TTN: variants seen among roughly 807,000 people sequenced by gnomAD.
TTN encodes connectin.
A neutral mutation model predicts 3,223.0 loss-of-function variants in TTN; 1,525 were observed. The observed-to-expected ratio is 0.47, with a 90% CI of 0.45 to 0.49. The LOEUF is 0.49. Among genes scored for constraint, TTN ranks in the 20% least tolerant of loss-of-function variants. The pLI is 0.00. For missense variants in TTN, 40,786 were observed against 43,424.0 expected, an observed-to-expected ratio of 0.94 and a Z score of 5.40; for synonymous variants, 14,094 against 15,161.0, an observed-to-expected ratio of 0.93 and a Z score of 5.17.
At position 178,731,356 on chromosome 2, in the gene TTN, C is replaced by A. The variant is rs773397477; in HGVS notation, c.17410G>T (p.Ala5804Ser). 6.2e-7 allele frequency: 1 copy of A among 1,613,760 alleles called. No individual in the cohort carries two copies. The highest frequency in any genetic ancestry group is 8.5e-7 in the Non-Finnish European group (1 of 1,179,754). The stretch of plus-strand genomic sequence containing the variant: ...CTTTGTATTCCTGCATCATTTTTGG[C>A]CTGACAGACATATTTCCCATCATGC... ...VKHDGKYVCQ[A>S]KNDAGIQRCS... The change falls in exon 59 of 363, where the codon GCC becomes TCC. Residue 5804 changes from alanine to serine, a missense_variant. Ala to Ser is a moderately conservative substitution (Grantham distance 99). Transcript: ENST00000589042.
intron 81 of TTN, 63 bp downstream of exon 81, chr2:178,719,920 T>C (rs1362864011): frequency 5.3e-5 from 81 of 1,542,572 alleles, no homozygotes; most frequent in Non-Finnish European, 6.9e-5. Context: ...AGAGGAATAT[T>C]TGAGGAAAAT....
Position 178,600,983 on chromosome 2 carries a change from C to T in TTN, c.55921G>A (p.Glu18641Lys). The T allele has an allele frequency of 6.2e-7, 1 of 1,613,052 alleles. No homozygotes were observed. The highest frequency in any genetic ancestry group is 1.1e-5 in the South Asian group (1 of 91,042). The change falls in exon 288 of 363, where the codon GAA becomes AAA. Residue 18641 changes from glutamate to lysine, a missense_variant. Coordinates refer to ENST00000589042, the MANE Select transcript of TTN (RefSeq NM_001267550.2). ...AGGTCTTCAACAGTAAATTGCAGTT[C>T]TTCCACATCACGCTTATTGCACTGC... ...WRQCNKRDVE[E>K]LQFTVEDLVE...
rs2056642542 is a variant in TTN at position 178,613,084 on chromosome 2, T to G, written c.49649-12A>C. On this transcript the variant is annotated splice_polypyrimidine_tract_variant and intron_variant, in intron 264 of 362. Coordinates refer to ENST00000589042, the MANE Select transcript of TTN (RefSeq NM_001267550.2). ...GGGCCATGGAGGATCTGCAAGCCAA[T>G]GAAATCATTGTTTAGGTTTGTCAAA... The G allele has an allele frequency of 6.2e-7, 1 of 1,612,198 alleles. No individual in the cohort carries two copies.
intron 80 of TTN, 47 bp from the exon 81 acceptor site, chr2:178,720,311 G>T (rs1242397840): frequency 6.3e-7 from 1 of 1,593,858 alleles, no homozygotes; most frequent in African/African-American, 1.3e-5. Flanking sequence ...GAGAATCATG[G>T]CCACACAAGT....
intron 24 of TTN, 109 bp from the exon 25 acceptor site, chr2:178,778,084 G>T: frequency 2.1e-6 from 3 of 1,418,490 alleles, no homozygotes; most frequent in Non-Finnish European, 2.9e-6. Context: ...TTTACTTCTT[G>T]CACGTATTAG....
In TTN at chr2:178,722,010, A is replaced by G. The variant is rs371736246; in HGVS notation, c.22653T>C (p.Asp7551=). The G allele has an allele frequency of 5.7e-5, 92 of 1,613,420 alleles. 1 individual carries two copies. The African/African-American group carries it at 6.7e-4, about 12-fold the overall frequency. Residue 7551 remains aspartate (D), a synonymous_variant, in exon 78 of 363, where the codon GAT becomes GAC. Coordinates refer to ENST00000589042, the MANE Select transcript of TTN (RefSeq NM_001267550.2). ...TTCCTCCAGGACGGATCTCCTTGTTATCTTTTGACCAAGTGATTCGCATCG... is the reference window on the plus strand; with the variant it reads ...TTCCTCCAGGACGGATCTCCTTGTTGTCTTTTGACCAAGTGATTCGCATCG... ...AQPMRITWSK[D]NKEIRPGGNY...
rs765657071 is a variant in TTN at position 178,731,790 on chromosome 2, C to T, written c.17085G>A (p.Gln5695=). 1.9e-6 allele frequency: 3 copies of T among 1,613,844 alleles called. No homozygotes were observed. In the South Asian group the frequency reaches 3.3e-5, roughly 18 times the overall value. ...CATCTGCAGCTACAAACTTGAGGAT[C>T]TGCAGGCTAACCAGATGATCCTGAA... The part of the protein sequence containing the change: ...TFIQDHLVSL[Q]ILKFVAADAG... Residue 5695 remains glutamine, a synonymous_variant, in exon 58 of 363, where the codon CAG becomes CAA. Transcript: ENST00000589042.
chr2:178,583,094 C>T lies in TTN; in HGVS notation c.65709G>A (p.Leu21903=), dbSNP rs1026264406. 1 of 1,611,138 alleles carries T rather than the reference C, an allele frequency of 6.2e-7. No individual in the cohort carries two copies. Among genetic ancestry groups the T allele is most frequent in the African/African-American group, 1.3e-5 (1 of 74,836 alleles). Residue 21903 remains leucine (L), a synonymous_variant, in exon 313 of 363, where the codon CTG becomes CTA. Coordinates refer to ENST00000589042, the MANE Select transcript of TTN (RefSeq NM_001267550.2). ...TCTTTATGCCTTCTGCTGGTTTTAG[C>T]AGTGTGCCATCTTTTTTCCAAGAAA... is the stretch of plus-strand genomic sequence containing the variant. ...PTVSWKKDGT[L]LKPAEGIKMA...
chr2:178,748,584 G>A, intron 47 of TTN: 1 of 1,612,934 alleles, frequency 6.2e-7, no homozygotes, highest in African/African-American at 1.3e-5. Context: ...GCAGGATGTT[G>A]GATTTTAAAA....
At position 178,561,075 on chromosome 2, in the gene TTN, C is replaced by T; in HGVS notation, c.85057G>A (p.Glu28353Lys). Residue 28353 changes from glutamate (E) to lysine (K), a missense_variant, in exon 326 of 363, where the codon GAG (glutamate) becomes AAG (lysine). By Grantham distance (56) the Glu-to-Lys change is moderately conservative. Transcript: ENST00000589042. ...ACATCCATCATAACTCTTGGAGGCT[C>T]AACATCATCTTTAACTATAATAGGC... ...TGPIIVKDDV[E>K]PPRVMMDVKF... 1 of 1,613,842 alleles carries T rather than the reference C, an allele frequency of 6.2e-7. No individual in the cohort carries two copies.
intron 90 of TTN, 74 bp from the exon 91 acceptor site, chr2:178,714,647 C>T (rs769079566): frequency 9.0e-6 from 13 of 1,447,394 alleles, no homozygotes; most frequent in Middle Eastern, 1.9e-4. Flanking sequence ...TCGTGAATGC[C>T]GGGAATCAAA....
rs796304694 is a variant in TTN at position 178,595,624 on chromosome 2, T to G, written c.57730A>C (p.Thr19244Pro). Residue 19244 changes from threonine (T) to proline (P), a missense_variant, in exon 295 of 363, where the codon ACT becomes CCT. Physicochemically the swap from Thr to Pro is conservative, Grantham distance 38. Coordinates refer to ENST00000589042, the MANE Select transcript of TTN (RefSeq NM_001267550.2). Reference protein sequence around the residue: ...VTYTVTRQNATVQGLIQGKAY... With the variant: ...VTYTVTRQNAPVQGLIQGKAY... ...TTTCCTTGAATGAGACCCTGGACAG[T>G]AGCATTTTGTCGGGTAACTGTATAT... is the stretch of plus-strand genomic sequence containing the variant. 2.5e-6 allele frequency: 4 copies of G among 1,602,210 alleles called. No homozygotes were observed. Among genetic ancestry groups the G allele is most frequent in the Non-Finnish European group, 3.4e-6 (4 of 1,174,002 alleles).
At chr2:178,638,230 A>C (rs2060745517) in intron 223 of TTN, among the ~76,000 whole-genome samples, 1 of 151,786 alleles carries the variant, frequency 6.6e-6, no homozygotes, top group Non-Finnish European at 1.5e-5. Flanking sequence ...AACTACAGTC[A>C]AAAGAATATA....
At position 178,532,160 on chromosome 2, in the gene TTN, ATTC is replaced by A. The variant is rs780929362; in HGVS notation, c.104452_104454del (p.Glu34818del). 1 of 1,613,700 alleles carries A rather than the reference ATTC, an allele frequency of 6.2e-7. No homozygotes were observed. The highest frequency in any genetic ancestry group is 8.5e-7 in the Non-Finnish European group (1 of 1,179,816). On this transcript the variant is annotated inframe_deletion, in exon 358 of 363. Coordinates refer to ENST00000589042, the MANE Select transcript of TTN (RefSeq NM_001267550.2). ...CTTTGAGCATGTTTTGAGATTTCGT[ATTC>A]TTCCTCAATTTCTGTTATTTCTGTC...
chr2:178,702,624 A>G lies in TTN; in HGVS notation c.30263T>C (p.Val10088Ala). The change falls in exon 107 of 363, where the codon GTG becomes GCG. Residue 10088 changes from valine to alanine, a missense_variant. By Grantham distance (64) the Val-to-Ala change is moderately conservative. Coordinates refer to ENST00000589042, the MANE Select transcript of TTN (RefSeq NM_001267550.2). ...IQFTKRIQNIVVSEHQSATFE... is the reference protein window; with the variant it reads ...IQFTKRIQNIAVSEHQSATFE... ...GGTGGCAGACTGATGCTCACTCACCACGATGTTCTGTATGCGCTTTGTAAA... is the reference window on the plus strand; with the variant it reads ...GGTGGCAGACTGATGCTCACTCACCGCGATGTTCTGTATGCGCTTTGTAAA... 6.2e-6 allele frequency: 10 copies of G among 1,613,966 alleles called. No homozygotes were observed. The highest frequency in any genetic ancestry group is 8.5e-6 in the Non-Finnish European group (10 of 1,179,870).
chr2:178,569,039 A>G lies in TTN; in HGVS notation c.77093T>C (p.Val25698Ala). ...AGTTATTTTTCCAGGAGGTTGTGGCACTTCTGCAACCTTAATTGGATCAGC... is the reference window on the plus strand; with the variant it reads ...AGTTATTTTTCCAGGAGGTTGTGGCGCTTCTGCAACCTTAATTGGATCAGC... The part of the protein sequence containing the change: ...QTADPIKVAE[V>A]PQPPGKITVD... The change falls in exon 326 of 363, where the codon GTG becomes GCG. Residue 25698 changes from valine (V) to alanine (A), a missense_variant. By Grantham distance (64) the Val-to-Ala change is moderately conservative (BLOSUM62 0). Coordinates refer to ENST00000589042, the MANE Select transcript of TTN (RefSeq NM_001267550.2). The G allele has an allele frequency of 6.2e-7, 1 of 1,613,284 alleles. No individual in the cohort carries two copies. Among genetic ancestry groups the G allele is most frequent in the African/African-American group, 1.3e-5 (1 of 74,984 alleles).
At chr2:178,693,380 A>T (rs2072926850) in intron 119 of TTN, among the ~76,000 whole-genome samples, 1 of 152,016 alleles carries the variant, frequency 6.6e-6, no homozygotes, top group Non-Finnish European at 1.5e-5. Context: ...AGGTTACGAG[A>T]TTGCAAACTC....
chr2:178,714,519 T>G lies in TTN; in HGVS notation c.26255A>C (p.Glu8752Ala). The change falls in exon 91 of 363, where the codon GAA becomes GCA. Residue 8752 changes from glutamate to alanine, a missense_variant. Transcript: ENST00000589042. ...LSDISTVVGK[E>A]VQLQTTIEGA... ...TTCAATGGTAGTCTGCAGCTGAACT[T>G]CTTTACCAACGACAGTAGATATGTC... is the stretch of plus-strand genomic sequence containing the variant. The G allele has an allele frequency of 6.2e-7, 1 of 1,613,288 alleles. No homozygotes were observed. The highest frequency in any genetic ancestry group is 8.5e-7 in the Non-Finnish European group (1 of 1,179,584).
rs1169451357 is a variant in TTN, at chr2:178,561,919, G to C, written c.84213C>G (p.Ser28071Arg). 6.2e-7 allele frequency: 1 copy of C among 1,613,556 alleles called. No homozygotes were observed. The highest frequency in any genetic ancestry group is 8.5e-7 in the Non-Finnish European group (1 of 1,179,728). The change falls in exon 326 of 363, where the codon AGC becomes AGG. Residue 28071 changes from serine to arginine, a missense_variant. By Grantham distance (110) the Ser-to-Arg change is moderately radical (BLOSUM62 -1). Coordinates refer to ENST00000589042, the MANE Select transcript of TTN (RefSeq NM_001267550.2). ...CTGGAGGATTCCAAGAAATGGTTATGCTGTCACAACTAACCTCATCAATAC... is the reference window on the plus strand; with the variant it reads ...CTGGAGGATTCCAAGAAATGGTTATCCTGTCACAACTAACCTCATCAATAC... ...PIRIDEVSCD[S>R]ITISWNPPEY...
Sources: allele counts gnomAD v4.1 joint callset (sites outside exome capture counted in the v4.1 genomes callset), GRCh38; gene constraint gnomAD v4.1.1; transcripts MANE v1.5; gene names NCBI Gene and HGNC (gene_info 2026-07-23, HGNC 2026-07-21).